DLK1: variants seen among roughly 807,000 people sequenced by gnomAD.
DLK1 encodes delta like non-canonical Notch ligand 1, also known as protein delta homolog 1.
A neutral mutation model predicts 35.2 loss-of-function variants in DLK1; 9 were observed. The ratio of observed to expected loss-of-function variants is 0.26; its 90% CI spans 0.15 to 0.45. The LOEUF (loss-of-function observed/expected upper bound fraction) is 0.45, where lower values mean the gene tolerates loss of function less well. Ranked by LOEUF, DLK1 falls within the 20% of genes least tolerant of loss-of-function variation. DLK1 has a pLI of 1.00. For missense variants in DLK1, 522 were observed against 528.5 expected, an observed-to-expected ratio of 0.99 and a Z score of 0.12; for synonymous variants, 231 against 228.4, an observed-to-expected ratio of 1.01 and a Z score of -0.10.
At position 100,732,105 on chromosome 14, in the gene DLK1, G is replaced by T. The variant is rs2036515868; in HGVS notation, c.326G>T (p.Gly109Val). Residue 109 changes from glycine to valine, a missense_variant, in exon 4 of 5, where the codon GGC becomes GTC. Transcript: ENST00000341267. ...AGGACCTGCGTGAGCCTGGACGATG[G>T]CCTCTATGAATGCTCCTGTGCCCCC... ...NNRTCVSLDD[G>V]LYECSCAPGY... 6.2e-7 allele frequency: 1 copy of T among 1,613,976 alleles called. No individual in the cohort carries two copies. Among genetic ancestry groups the T allele is most frequent in the Non-Finnish European group, 8.5e-7 (1 of 1,179,850 alleles).
intron 3 of DLK1, among the ~76,000 whole-genome samples, chr14:100,730,286 G>A (rs2036492632): frequency 6.6e-6 from 1 of 152,210 alleles, no homozygotes; most frequent in South Asian, 2.1e-4. Flanking sequence ...GCCACCATTT[G>A]GGATCAGGGT....
At position 100,729,052 on chromosome 14, in the gene DLK1, A is replaced by G. The variant is rs761906566; in HGVS notation, c.248A>G (p.Glu83Gly). 11 of 1,613,612 alleles carry G rather than the reference A, an allele frequency of 6.8e-6. No individual in the cohort carries two copies. Among genetic ancestry groups the G allele is most frequent in the African/African-American group, 1.3e-5 (1 of 74,852 alleles). The change falls in exon 3 of 5, where the codon GAG (glutamate) becomes GGG (glycine). Residue 83 changes from glutamate (E) to glycine (G), a missense_variant. By Grantham distance (98) the Glu-to-Gly change is moderately conservative. Coordinates refer to ENST00000341267, the MANE Select transcript of DLK1 (RefSeq NM_003836.7). ...ATTTGCACCGACGGCTGGGACGGGG[A>G]GCTCTGTGATAGAGGTTGGCACTCG... is the stretch of plus-strand genomic sequence containing the variant. ...QCICTDGWDG[E>G]LCDRDVRACS...
At chr14:100,731,543 C>T (rs963872075) in intron 3 of DLK1, among the ~76,000 whole-genome samples, 3 of 151,944 alleles carry the variant, frequency 2.0e-5, no homozygotes, top group Non-Finnish European at 2.9e-5. Flanking sequence ...ACATCTCCAT[C>T]CCCCCCACTG....
chr14:100,728,627 G>C (rs1240898968), intron 2 of DLK1, 168 bp downstream of exon 2: 1 of 257,340 alleles, frequency 3.9e-6, no homozygotes, highest in Admixed American at 4.5e-5. Flanking sequence ...GGGGGGGCGG[G>C]GGGGGGGCAG....
At chr14:100,727,232 C>T in intron 1 of DLK1, 97 bp downstream of exon 1, 1 of 1,255,898 alleles carries the variant, frequency 8.0e-7, no homozygotes, top group South Asian at 1.6e-5. Context: ...TCGTGAGCCC[C>T]AACTCCGCCC....
chr14:100,729,947 G>A (rs2036488748), intron 3 of DLK1, among the ~76,000 whole-genome samples: 1 of 152,200 alleles, frequency 6.6e-6, no homozygotes, highest in African/African-American at 2.4e-5. Context: ...GAATATGAAA[G>A]AAGTTGGGCA....
Position 100,734,866 on chromosome 14 carries a change from C to T in DLK1, c.1122C>T (p.Phe374=), listed in dbSNP as rs2036554255. The T allele has an allele frequency of 1.2e-6, 2 of 1,601,074 alleles. No individual in the cohort carries two copies. Among genetic ancestry groups the T allele is most frequent in the African/African-American group, 1.3e-5 (1 of 74,570 alleles). ...CCGAGAAGATCGACATGACCACCTT[C>T]AGCAAGGAGGCCGGCGACGAGGAGA... ...IFPEKIDMTT[F]SKEAGDEEI Residue 374 remains phenylalanine (F), a synonymous_variant, in exon 5 of 5, where the codon TTC becomes TTT. Coordinates refer to ENST00000341267, the MANE Select transcript of DLK1 (RefSeq NM_003836.7). The surrounding 1 kb of genome is among the most constrained non-coding windows in gnomAD (Gnocchi z 7.4).
At position 100,737,961 on chromosome 14, in the gene DLK1, G is replaced by A. The variant is rs1161797792; in HGVS notation, c.*3065G>A. ...GCCACCAGATTCTGCTGAGAGTGTC[G>A]GGATCCTTGACTGCCCAGCCACACC... On this transcript the variant is annotated 3_prime_UTR_variant, in exon 5 of 5. Transcript: ENST00000341267. 2 of 152,046 alleles carry A rather than the reference G, an allele frequency of 1.3e-5. No individual in the cohort carries two copies. Among genetic ancestry groups the A allele is most frequent in the African/African-American group, 4.8e-5 (2 of 41,370 alleles). 9.4% of individuals were successfully genotyped at this position (152,046 alleles called of 1,614,324 possible). A position where few individuals can be genotyped will look rare whatever the true frequency, so the allele number is the denominator to read the frequency against.
chr14:100,732,138 C>T lies in DLK1; in HGVS notation c.359C>T (p.Ser120Leu), dbSNP rs745988361. The change falls in exon 4 of 5, where the codon TCG becomes TTG. Residue 120 changes from serine to leucine, a missense_variant. Coordinates refer to ENST00000341267, the MANE Select transcript of DLK1 (RefSeq NM_003836.7). ...LYECSCAPGY[S>L]GKDCQKKDGP... ...GAATGCTCCTGTGCCCCCGGGTACTCGGGAAAGGACTGCCAGAAAAAGGAC... is the reference window on the plus strand; with the variant it reads ...GAATGCTCCTGTGCCCCCGGGTACTTGGGAAAGGACTGCCAGAAAAAGGAC... 3.7e-6 allele frequency: 6 copies of T among 1,614,022 alleles called. No homozygotes were observed. The highest frequency in any genetic ancestry group is 1.7e-5 in the Admixed American group (1 of 60,016).
intron 4 of DLK1, among the ~76,000 whole-genome samples, 177 bp downstream of exon 4, chr14:100,732,360 T>C (rs1432869345): frequency 6.6e-6 from 1 of 152,224 alleles, no homozygotes. Context: ...AATGTGTCAT[T>C]GCCATAATTT....
chr14:100,727,825 T>C (rs1451067888), intron 1 of DLK1, among the ~76,000 whole-genome samples: 1 of 152,162 alleles, frequency 6.6e-6, no homozygotes, highest in African/African-American at 2.4e-5. Flanking sequence ...CAAAACCCTG[T>C]GTCGTCATCG....
At position 100,735,046 on chromosome 14, in the gene DLK1, C is replaced by G; in HGVS notation, c.*150C>G. The G allele has an allele frequency of 9.8e-7, 1 of 1,016,810 alleles. No homozygotes were observed. Among genetic ancestry groups the G allele is most frequent in the Non-Finnish European group, 1.4e-6 (1 of 735,130 alleles). The allele number at this position is 1,016,810 out of a possible 1,614,324, so 63.0% of individuals were successfully genotyped here. A position where few individuals can be genotyped will look rare whatever the true frequency, so the allele number is the denominator to read the frequency against. Reference sequence around the variant, plus strand: ...ATATTGTCTTTGTGCTGCTGTGTGACAAACGCAATGCAAAAACAATCCTCT... The same window carrying G: ...ATATTGTCTTTGTGCTGCTGTGTGAGAAACGCAATGCAAAAACAATCCTCT... On this transcript the variant is annotated 3_prime_UTR_variant, in exon 5 of 5. Coordinates refer to ENST00000341267, the MANE Select transcript of DLK1 (RefSeq NM_003836.7).
rs374694098 is a variant in DLK1, at chr14:100,727,089, C to G, written c.21C>G (p.Leu7=). 2.5e-6 allele frequency: 4 copies of G among 1,593,732 alleles called. No individual in the cohort carries two copies. The highest frequency in any genetic ancestry group is 3.4e-5 in the Admixed American group (2 of 58,958). ...CAGAGATGACCGCGACCGAAGCCCTCCTGCGCGTCCTCTTGCTCCTGCTGG... is the reference window on the plus strand; with the variant it reads ...CAGAGATGACCGCGACCGAAGCCCTGCTGCGCGTCCTCTTGCTCCTGCTGG... MTATEA[L]LRVLLLLLAF... is the part of the protein sequence containing the mutation. The change falls in exon 1 of 5, where the codon CTC becomes CTG. Residue 7 remains leucine, a synonymous_variant. Transcript: ENST00000341267.
At chr14:100,732,855 G>T (rs1362997330) in intron 4 of DLK1, among the ~76,000 whole-genome samples, 1 of 152,192 alleles carries the variant, frequency 6.6e-6, no homozygotes, top group Non-Finnish European at 1.5e-5. Flanking sequence ...CGCTGGATGG[G>T]GCTTAGCCTG....
At position 100,727,040 on chromosome 14, in the gene DLK1, C is replaced by T; in HGVS notation, c.-29C>T. The T allele has an allele frequency of 6.4e-7, 1 of 1,555,710 alleles. No individual in the cohort carries two copies. ...GAGCCGGACCCGCGCCCGCACCGCT[C>T]CCGGGACCGCGACCCCGGCCGCCCA... On this transcript the variant is annotated 5_prime_UTR_variant, in exon 1 of 5. Coordinates refer to ENST00000341267, the MANE Select transcript of DLK1 (RefSeq NM_003836.7).
In DLK1 at chr14:100,735,070, CTT is replaced by C. The variant is rs2036557229; in HGVS notation, c.*176_*177del. 1.4e-6 allele frequency: 1 copy of C among 698,172 alleles called. No individual in the cohort carries two copies. The highest frequency in any genetic ancestry group is 2.2e-6 in the Non-Finnish European group (1 of 458,910). The allele number at this position is 698,172 out of a possible 1,614,324, so 43.2% of individuals were successfully genotyped here. A position where few individuals can be genotyped will look rare whatever the true frequency, so the allele number is the denominator to read the frequency against. ...ACAAACGCAATGCAAAAACAATCCT[CTT>C]TCTCTCTCTTAATGCATGATACAGA... On this transcript the variant is annotated 3_prime_UTR_variant, in exon 5 of 5. Transcript: ENST00000341267.
At chr14:100,729,287 C>T in intron 3 of DLK1, 1 of 770,370 alleles carries the variant, frequency 1.3e-6, no homozygotes, top group African/African-American at 1.7e-5. Flanking sequence ...CCATCAGCAC[C>T]CAGCACCTAG....
chr14:100,727,005 GC>G lies in DLK1; in HGVS notation c.-63del, dbSNP rs1313100233. Reference sequence around the variant, plus strand: ...TCGCGTCCGCAACCAGAAGCCCAGTGCGGCGCCAGGAGCCGGACCCGCGCCC... The same window carrying G: ...TCGCGTCCGCAACCAGAAGCCCAGTGGGCGCCAGGAGCCGGACCCGCGCCC... On this transcript the variant is annotated 5_prime_UTR_variant, in exon 1 of 5. Coordinates refer to ENST00000341267, the MANE Select transcript of DLK1 (RefSeq NM_003836.7). 2 of 1,464,642 alleles carry G rather than the reference GC, an allele frequency of 1.4e-6. No homozygotes were observed. The highest frequency in any genetic ancestry group is 1.8e-6 in the Non-Finnish European group (2 of 1,106,516). The allele number at this position is 1,464,642 out of a possible 1,614,324, so 90.7% of individuals were successfully genotyped here.
At chr14:100,727,676 GC>G (rs1019954229) in intron 1 of DLK1, among the ~76,000 whole-genome samples, 3 of 151,954 alleles carry the variant, frequency 2.0e-5, no homozygotes, top group Non-Finnish European at 2.9e-5. Context: ...TTCCTGCAGC[GC>G]CCCCCCACTC....
Sources: allele counts gnomAD v4.1 joint callset (sites outside exome capture counted in the v4.1 genomes callset), GRCh38; gene constraint gnomAD v4.1.1; non-coding constraint Gnocchi (gnomAD v3.1); transcripts MANE v1.5; gene names NCBI Gene and HGNC (gene_info 2026-07-23, HGNC 2026-07-21).